Variants in SAV1 observed in about 807,000 individuals in gnomAD.
SAV1 encodes the protein protein salvador homolog 1.
In SAV1, 23 loss-of-function variants were observed where a neutral mutation model predicts 47.3. The ratio of observed to expected loss-of-function variants is 0.49; its 90% CI spans 0.35 to 0.69. The LOEUF (loss-of-function observed/expected upper bound fraction) is 0.69. SAV1 is among the 30% of genes least tolerant of loss of function. The probability of loss-of-function intolerance (pLI) is 0.01; values close to 1 mark genes in which losing one functional copy is unlikely to be tolerated. For synonymous variants in SAV1, 155 were observed against 159.2 expected, an observed-to-expected ratio of 0.97 and a Z score of 0.20; for missense variants, 448 against 457.4, an observed-to-expected ratio of 0.98 and a Z score of 0.19.
chr14:50,660,421 G>C (rs2039848925), intron 2 of SAV1, among the ~76,000 whole-genome samples: 1 of 152,102 alleles, frequency 6.6e-6, no homozygotes, highest in Non-Finnish European at 1.5e-5. Flanking sequence ...TGCTGTCTCA[G>C]TGTTCTGCTC....
intron 2 of SAV1, among the ~76,000 whole-genome samples, chr14:50,647,875 C>G (rs2039735740): frequency 6.6e-6 from 1 of 152,192 alleles, no homozygotes; most frequent in Admixed American, 6.5e-5. Flanking sequence ...CTCTGGAGAA[C>G]AGCTTAGCAA....
chr14:50,643,796 A>G (rs550602608), intron 3 of SAV1, among the ~76,000 whole-genome samples: 5 of 152,118 alleles, frequency 3.3e-5, no homozygotes, highest in Admixed American at 3.3e-4. Flanking sequence ...CAAATACATA[A>G]AATAATTAAA....
intron 2 of SAV1, among the ~76,000 whole-genome samples, chr14:50,646,041 T>C (rs2039718563): frequency 6.6e-6 from 1 of 152,172 alleles, no homozygotes; most frequent in South Asian, 2.1e-4. Context: ...ATGTCAATTC[T>C]CCTGAAATTA....
Position 50,644,787 on chromosome 14 carries a change from G to T in SAV1, c.763C>A (p.His255Asn). ...CTGTATTGGGCCTTCTTATTTGTGT[G>T]ATCTACATAATAGGTTCCAAATTCG... is the stretch of plus-strand genomic sequence containing the variant. The part of the protein sequence containing the change: ...SSEFGTYYVD[H>N]TNKKAQYRHP... The change falls in exon 3 of 5, where the codon CAC (histidine) becomes AAC (asparagine). Residue 255 changes from histidine (H) to asparagine (N), a missense_variant. Transcript: ENST00000324679. 1 of 1,614,138 alleles carries T rather than the reference G, an allele frequency of 6.2e-7. No homozygotes were observed. Among genetic ancestry groups the T allele is most frequent in the Middle Eastern group, 1.7e-4 (1 of 6,058 alleles).
chr14:50,659,806 T>C (rs1191101082), intron 2 of SAV1, among the ~76,000 whole-genome samples: 1 of 152,296 alleles, frequency 6.6e-6, no homozygotes, highest in South Asian at 2.1e-4. Context: ...ATCATGCTAC[T>C]GCACTACAGC....
At position 50,649,024 on chromosome 14, in the gene SAV1, C is replaced by T. The variant is rs1210180301; in HGVS notation, c.536-4010G>A. ...ACCTCCATTTCTTCTCTGACTTAAG[C>T]TGCTATTTTTTTTACCCTTAGCTCA... On this transcript the variant is annotated intron_variant, in intron 2 of 4. Transcript: ENST00000324679. 5.3e-5 allele frequency among the ~76,000 whole-genome samples: 8 copies of T among 152,182 alleles called. No homozygotes were observed. The East Asian group carries it at 1.5e-3, about 29-fold the overall frequency.
chr14:50,660,852 G>C (rs1328915292), intron 2 of SAV1, among the ~76,000 whole-genome samples: 2 of 152,266 alleles, frequency 1.3e-5, no homozygotes, highest in Middle Eastern at 3.4e-3. Context: ...CTCTTTCTGT[G>C]CCTGATTTCC....
intron 3 of SAV1, among the ~76,000 whole-genome samples, chr14:50,641,758 T>C (rs1332027245): frequency 6.6e-6 from 1 of 152,254 alleles, no homozygotes; most frequent in Non-Finnish European, 1.5e-5. Context: ...TATACACTGC[T>C]GGTGGGAACA....
In SAV1 at chr14:50,635,030, A is replaced by G. The variant is rs549463958; in HGVS notation, c.*153T>C. On this transcript the variant is annotated 3_prime_UTR_variant, in exon 5 of 5. Coordinates refer to ENST00000324679, the MANE Select transcript of SAV1 (RefSeq NM_021818.4). Reference sequence around the variant, plus strand: ...AGACTAATTTTTCTCATTCAATAAAAGAAAATTTCTAATAACAAAATACAT... The same window carrying G: ...AGACTAATTTTTCTCATTCAATAAAGGAAAATTTCTAATAACAAAATACAT... 1.6e-6 allele frequency: 1 copy of G among 635,968 alleles called. No homozygotes were observed. The highest frequency in any genetic ancestry group is 2.1e-5 in the South Asian group (1 of 47,886). 39.4% of individuals were successfully genotyped at this position (635,968 alleles called of 1,614,324 possible).
chr14:50,660,991 A>C (rs2039855189), intron 2 of SAV1, among the ~76,000 whole-genome samples: 1 of 152,210 alleles, frequency 6.6e-6, no homozygotes, highest in African/African-American at 2.4e-5. Context: ...GAACTGCCGG[A>C]TCATATGGTA....
At chr14:50,637,283 T>A (rs1446618764) in intron 4 of SAV1, among the ~76,000 whole-genome samples, 5 of 152,190 alleles carry the variant, frequency 3.3e-5, no homozygotes, top group African/African-American at 1.2e-4. Context: ...TAAATTAGAG[T>A]GATACTGTAA....
intron 4 of SAV1, among the ~76,000 whole-genome samples, chr14:50,639,427 T>G (rs2039663817): frequency 6.6e-6 from 1 of 152,218 alleles, no homozygotes; most frequent in African/African-American, 2.4e-5. Flanking sequence ...ATTAACCATT[T>G]CCATCCTCTT....
At chr14:50,641,270 C>T (rs1390858660) in intron 3 of SAV1, among the ~76,000 whole-genome samples, 1 of 152,106 alleles carries the variant, frequency 6.6e-6, no homozygotes, top group Non-Finnish European at 1.5e-5. Context: ...TGTAGTGACG[C>T]AGCAGTGAGT....
At chr14:50,656,893 A>G (rs1383698596) in intron 2 of SAV1, among the ~76,000 whole-genome samples, 2 of 152,218 alleles carry the variant, frequency 1.3e-5, no homozygotes, top group Non-Finnish European at 2.9e-5. Context: ...CAGATCCAGA[A>G]GATTAAAAAA....
chr14:50,643,017 T>C (rs1432596724), intron 3 of SAV1, among the ~76,000 whole-genome samples: 2 of 152,190 alleles, frequency 1.3e-5, no homozygotes, highest in Non-Finnish European at 2.9e-5. Context: ...ATACCACAGG[T>C]GGTTGTTCTC....
rs2039920539 is a variant in SAV1, at chr14:50,668,079, A to AGCCGCC, written c.-118_-113dup. 1.6e-6 allele frequency: 1 copy of AGCCGCC among 634,820 alleles called. No individual in the cohort carries two copies. Among genetic ancestry groups the AGCCGCC allele is most frequent in the Admixed American group, 4.6e-5 (1 of 21,588 alleles). 39.3% of individuals were successfully genotyped at this position (634,820 alleles called of 1,614,324 possible). A position where few individuals can be genotyped will look rare whatever the true frequency, so the allele number is the denominator to read the frequency against. ...GGCGCCGCCGCCTCCTTCCCTCCCG[A>AGCCGCC]GCCGCCGCCTCCGCCGCCGCCTGTC... On this transcript the variant is annotated 5_prime_UTR_variant, in exon 1 of 5. Transcript: ENST00000324679.
chr14:50,635,274 T>G lies in SAV1; in HGVS notation c.1061A>C (p.Tyr354Ser), dbSNP rs183580977. The change falls in exon 5 of 5, where the codon TAT becomes TCT. Residue 354 changes from tyrosine (Y) to serine (S), a missense_variant. Transcript: ENST00000324679. ...MKELEQIVKM[Y>S]EAYRQALLTE... Reference sequence around the variant, plus strand: ...AAGAAGGGCTTGTCTGTATGCTTCATACATTTTAACAATCTGCTCCAATTC... The same window carrying G: ...AAGAAGGGCTTGTCTGTATGCTTCAGACATTTTAACAATCTGCTCCAATTC... 1.4e-5 allele frequency: 23 copies of G among 1,614,182 alleles called. No individual in the cohort carries two copies. The African/African-American group carries it at 2.8e-4, about 20-fold the overall frequency.
chr14:50,643,937 CTA>C (rs2039700561), intron 3 of SAV1, among the ~76,000 whole-genome samples: 1 of 152,168 alleles, frequency 6.6e-6, no homozygotes, highest in Non-Finnish European at 1.5e-5. Context: ...CCAGATGACA[CTA>C]AGCAACATTT....
intron 3 of SAV1, 122 bp from the exon 4 acceptor site, chr14:50,641,015 A>C: frequency 1.2e-6 from 1 of 834,140 alleles, no homozygotes. Flanking sequence ...GACTTACACC[A>C]CCTGAAAGGT....
Sources: gnomAD v4.1 joint callset for allele counts (sites outside exome capture counted in the v4.1 genomes callset) on GRCh38, gnomAD v4.1.1 for gene constraint, MANE v1.5 for transcripts, NCBI Gene and HGNC (gene_info 2026-07-23, HGNC 2026-07-21) for gene names.